SRRD: variants seen among roughly 807,000 people sequenced by gnomAD.
The protein encoded by SRRD is SRR1-like protein.
SRRD carries 28 observed loss-of-function variants against 30.7 expected under a neutral mutation model. The ratio of observed to expected loss-of-function variants is 0.91; its 90% CI spans 0.68 to 1.25. The LOEUF (loss-of-function observed/expected upper bound fraction) is 1.25. SRRD is among the 50% of genes most tolerant of loss of function. SRRD has a pLI of 0.00. For synonymous variants in SRRD, 161 were observed against 159.6 expected, an observed-to-expected ratio of 1.01 and a Z score of -0.07; for missense variants, 415 against 417.3, an observed-to-expected ratio of 0.99 and a Z score of 0.05.
intron 1 of SRRD, among the ~76,000 whole-genome samples, chr22:26,484,921 C>T (rs1417596064): frequency 6.6e-6 from 1 of 152,122 alleles, no homozygotes; most frequent in South Asian, 2.1e-4. Context: ...TCCGAAGGGC[C>T]GTCACAAGGG....
At position 26,490,117 on chromosome 22, in the gene SRRD, ATCTTT is replaced by A. The variant is rs2147110340; in HGVS notation, c.685_689del (p.Leu229MetfsTer3). On this transcript the variant is annotated frameshift_variant, in exon 5 of 7. Coordinates refer to ENST00000215917, the MANE Select transcript of SRRD (RefSeq NM_001013694.3). LOFTEE classifies it high-confidence loss of function. ...CATTGTGGGACGGCCTTGTACAACA[ATCTTT>A]TATGGAGTAACTGGTCAGTAGATGC... The A allele has an allele frequency of 1.2e-6, 2 of 1,614,128 alleles. No individual in the cohort carries two copies. Among genetic ancestry groups the A allele is most frequent in the East Asian group, 4.5e-5 (2 of 44,880 alleles).
In SRRD at chr22:26,493,539, A is replaced by G. The variant is rs1248541459; in HGVS notation, c.*1867A>G. On this transcript the variant is annotated 3_prime_UTR_variant, in exon 7 of 7. Transcript: ENST00000215917. ...GAAATAGGCTCCCAAATGTAGAAACATAAATATACTCTCACTTACTTATGA... is the reference window on the plus strand; with the variant it reads ...GAAATAGGCTCCCAAATGTAGAAACGTAAATATACTCTCACTTACTTATGA... 6.5e-6 allele frequency: 1 copy of G among 153,110 alleles called. No homozygotes were observed. Among genetic ancestry groups the G allele is most frequent in the East Asian group, 1.9e-4 (1 of 5,212 alleles). The allele number at this position is 153,110 out of a possible 1,614,324, so 9.5% of individuals were successfully genotyped here. A position where few individuals can be genotyped will look rare whatever the true frequency, so the allele number is the denominator to read the frequency against.
At chr22:26,489,846 C>T (rs1484986576) in intron 4 of SRRD, among the ~76,000 whole-genome samples, 198 bp from the exon 5 acceptor site, 2 of 152,112 alleles carry the variant, frequency 1.3e-5, no homozygotes, top group East Asian at 1.9e-4. Flanking sequence ...TGAGTTCTTT[C>T]GGGACATCAT....
At position 26,483,888 on chromosome 22, in the gene SRRD, C is replaced by T; in HGVS notation, c.-3C>T. On this transcript the variant is annotated 5_prime_UTR_variant, in exon 1 of 7. Coordinates refer to ENST00000215917, the MANE Select transcript of SRRD (RefSeq NM_001013694.3). Reference sequence around the variant, plus strand: ...CGCCGCACGCCGCTGACGTCAGAGACCAATGGCTGCGGCCGCAGCTGCGGC... The same window carrying T: ...CGCCGCACGCCGCTGACGTCAGAGATCAATGGCTGCGGCCGCAGCTGCGGC... 1 of 1,350,174 alleles carries T rather than the reference C, an allele frequency of 7.4e-7. No individual in the cohort carries two copies. Among genetic ancestry groups the T allele is most frequent in the Non-Finnish European group, 9.4e-7 (1 of 1,060,360 alleles). 83.6% of individuals were successfully genotyped at this position (1,350,174 alleles called of 1,614,324 possible).
chr22:26,491,924 C>G lies in SRRD; in HGVS notation c.*252C>G. ...GAGTAGCTCCTGAGTAAAGAAGTTA[C>G]CCTTTTGAAGGTGATCTAAAAATAC... On this transcript the variant is annotated 3_prime_UTR_variant, in exon 7 of 7. Transcript: ENST00000215917. The G allele has an allele frequency of 7.6e-7, 1 of 1,314,958 alleles. No individual in the cohort carries two copies. Among genetic ancestry groups the G allele is most frequent in the Non-Finnish European group, 1.0e-6 (1 of 957,650 alleles). The allele number at this position is 1,314,958 out of a possible 1,614,324, so 81.5% of individuals were successfully genotyped here. A position where few individuals can be genotyped will look rare whatever the true frequency, so the allele number is the denominator to read the frequency against.
intron 6 of SRRD, 136 bp downstream of exon 6, chr22:26,491,206 T>A: frequency 1.1e-6 from 1 of 928,500 alleles, no homozygotes; most frequent in South Asian, 1.6e-5. Context: ...CATGGGTCTG[T>A]GTTCCAGAAA....
chr22:26,491,381 CAAGT>C, intron 6 of SRRD, 78 bp from the exon 7 acceptor site: 3 of 1,116,532 alleles, frequency 2.7e-6, no homozygotes, highest in Non-Finnish European at 3.9e-6. Context: ...GTGGGGATGA[CAAGT>C]AAAGTGGAAA....
In SRRD at chr22:26,492,916, T is replaced by G. The variant is rs933956902; in HGVS notation, c.*1244T>G. The G allele has an allele frequency of 6.5e-6, 1 of 154,086 alleles. No individual in the cohort carries two copies. The highest frequency in any genetic ancestry group is 2.4e-5 in the African/African-American group (1 of 41,452). The allele number at this position is 154,086 out of a possible 1,614,324, so 9.5% of individuals were successfully genotyped here. A position where few individuals can be genotyped will look rare whatever the true frequency, so the allele number is the denominator to read the frequency against. ...TATTCAGGGAACAGTTTTGGAAACA[T>G]GAGGCCAAGGGTAGCTAAGGAAGAG... On this transcript the variant is annotated 3_prime_UTR_variant, in exon 7 of 7. Transcript: ENST00000215917.
chr22:26,485,874 A>G, intron 1 of SRRD, 149 bp from the exon 2 acceptor site: 3 of 858,266 alleles, frequency 3.5e-6, no homozygotes, highest in East Asian at 2.4e-5. Context: ...CATATTCAAC[A>G]TATATCCCCC....
chr22:26,489,905 T>G, intron 4 of SRRD, 139 bp from the exon 5 acceptor site: 1 of 848,496 alleles, frequency 1.2e-6, no homozygotes, highest in Non-Finnish European at 1.9e-6. Context: ...TATACGAGTG[T>G]AACTGTTCCA....
intron 4 of SRRD, among the ~76,000 whole-genome samples, chr22:26,489,795 G>A (rs542672645): frequency 1.3e-4 from 20 of 152,240 alleles, no homozygotes; most frequent in Non-Finnish European, 2.2e-4. Flanking sequence ...GCAGGGCTTT[G>A]TGTTCATGAG....
chr22:26,494,062 C>G lies in SRRD; in HGVS notation c.*2390C>G. ...TAGGCTGCCTACAGGAACCAGAAAA[C>G]TCTGATTCTGTGTCATTTACATGTG... On this transcript the variant is annotated 3_prime_UTR_variant, in exon 7 of 7. Transcript: ENST00000215917. 6.5e-7 allele frequency: 1 copy of G among 1,545,308 alleles called. No homozygotes were observed. The highest frequency in any genetic ancestry group is 8.8e-7 in the Non-Finnish European group (1 of 1,133,196).
At chr22:26,489,934 T>G (rs1920988398) in intron 4 of SRRD, 110 bp from the exon 5 acceptor site, 1 of 1,297,044 alleles carries the variant, frequency 7.7e-7, no homozygotes, top group East Asian at 2.3e-5. Flanking sequence ...GCTTTTTTCC[T>G]TTTGATCCTT....
At position 26,492,157 on chromosome 22, in the gene SRRD, G is replaced by A. The variant is rs535442688; in HGVS notation, c.*485G>A. 97 of 1,614,176 alleles carry A rather than the reference G, an allele frequency of 6.0e-5. 1 individual carries two copies. The South Asian group carries it at 9.3e-4, about 16-fold the overall frequency. Reference sequence around the variant, plus strand: ...TCCCTTCGTGTCGCTTCCCAATGACGGGCATGAAGACAATGTTGTGCTCCT... The same window carrying A: ...TCCCTTCGTGTCGCTTCCCAATGACAGGCATGAAGACAATGTTGTGCTCCT... On this transcript the variant is annotated 3_prime_UTR_variant, in exon 7 of 7. Coordinates refer to ENST00000215917, the MANE Select transcript of SRRD (RefSeq NM_001013694.3).
In SRRD at chr22:26,491,606, T is replaced by G; in HGVS notation, c.954T>G (p.Asp318Glu). The change falls in exon 7 of 7, where the codon GAT becomes GAG. Residue 318 changes from aspartate to glutamate, a missense_variant. Asp to Glu is a conservative substitution (Grantham distance 45). Transcript: ENST00000215917. ...TTTGGGAGTTTCGGGAAGAACCAGA[T>G]TATCAGGACTGTGAGGACCTTGAAA... ...IDIWEFREEP[D>E]YQDCEDLEII... is the part of the protein sequence containing the mutation. 1 of 1,614,130 alleles carries G rather than the reference T, an allele frequency of 6.2e-7. No homozygotes were observed. Among genetic ancestry groups the G allele is most frequent in the Non-Finnish European group, 8.5e-7 (1 of 1,180,030 alleles).
rs1245268883 is a variant in SRRD, at chr22:26,493,356, C to G, written c.*1684C>G. ...TATTAAATAACAAGAATTAAAGACT[C>G]AGGAAATAGAAATTCCAGTTCTAAC... is the stretch of plus-strand genomic sequence containing the variant. On this transcript the variant is annotated 3_prime_UTR_variant, in exon 7 of 7. Transcript: ENST00000215917. 3 of 152,252 alleles carry G rather than the reference C, an allele frequency of 2.0e-5. No homozygotes were observed. Among genetic ancestry groups the G allele is most frequent in the Non-Finnish European group, 4.4e-5 (3 of 68,076 alleles). The allele number at this position is 152,252 out of a possible 1,614,324, so 9.4% of individuals were successfully genotyped here.
rs1278730515 is a variant in SRRD at position 26,494,160 on chromosome 22, G to A, written c.*2488G>A. 11 of 1,614,106 alleles carry A rather than the reference G, an allele frequency of 6.8e-6. No homozygotes were observed. Among genetic ancestry groups the A allele is most frequent in the Non-Finnish European group, 3.4e-6 (4 of 1,180,010 alleles). ...TTACCAACGTTGGAGGACACCGCCC[G>A]GTTCATGATATCAAGTGCCTCATTA... On this transcript the variant is annotated 3_prime_UTR_variant, in exon 7 of 7. Coordinates refer to ENST00000215917, the MANE Select transcript of SRRD (RefSeq NM_001013694.3).
chr22:26,490,559 CTTTTT>C (rs71192931), intron 5 of SRRD, among the ~76,000 whole-genome samples: 1,092 of 51,826 alleles, frequency 0.021, 31 homozygotes, highest in Middle Eastern at 0.1. Context: ...GGAATATTTG[CTTTTT>C]TTTTTTTTTT....
chr22:26,490,181 C>G lies in SRRD; in HGVS notation c.747C>G (p.Phe249Leu), dbSNP rs371254319. 3.1e-5 allele frequency: 50 copies of G among 1,613,974 alleles called. No individual in the cohort carries two copies. Among genetic ancestry groups the G allele is most frequent in the Admixed American group, 2.0e-4 (12 of 59,996 alleles). Residue 249 changes from phenylalanine to leucine, a missense_variant, in exon 5 of 7, where the codon TTC (phenylalanine) becomes TTG (leucine). Coordinates refer to ENST00000215917, the MANE Select transcript of SRRD (RefSeq NM_001013694.3). Reference protein sequence around the residue: ...LSKMVIIGNSFKGLEERLLAR... With the variant: ...LSKMVIIGNSLKGLEERLLAR... ...AGATGGTCATCATTGGGAACAGTTT[C>G]AAAGGACTTGAGGAGAGGTAAGTCT...
Sources: gnomAD v4.1 joint callset for allele counts (sites outside exome capture counted in the v4.1 genomes callset) on GRCh38, gnomAD v4.1.1 for gene constraint, MANE v1.5 for transcripts, NCBI Gene and HGNC (gene_info 2026-07-23, HGNC 2026-07-21) for gene names.